Variants in SNTG1 observed in about 807,000 individuals in gnomAD.
The protein encoded by SNTG1 is syntrophin gamma 1.
A neutral mutation model predicts 74.7 loss-of-function variants in SNTG1; 39 were observed. That is an observed-to-expected ratio of 0.52 (90% CI 0.40 to 0.68). The LOEUF (loss-of-function observed/expected upper bound fraction) is 0.68. Ranked by LOEUF, SNTG1 falls within the 30% of genes least tolerant of loss-of-function variation. SNTG1 has a pLI of 0.00. For missense variants in SNTG1, 685 were observed against 609.5 expected (o/e 1.12, Z -1.30); for synonymous variants, 254 against 217.1 (o/e 1.17, Z -1.49).
intron 4 of SNTG1, among the ~76,000 whole-genome samples, chr8:50,430,940 A>C (rs2093228084): frequency 6.6e-6 from 1 of 152,176 alleles, no homozygotes; most frequent in Admixed American, 6.5e-5. Context: ...AAACAACTTT[A>C]TCAACCAGAA....
chr8:50,712,152 A>G (rs1300834478), intron 17 of SNTG1, among the ~76,000 whole-genome samples: 2 of 152,218 alleles, frequency 1.3e-5, no homozygotes, highest in African/African-American at 2.4e-5. Context: ...GAGGGCATAC[A>G]CATCAGTCTT....
chr8:50,207,598 C>T (rs1422163126), intron 2 of SNTG1, among the ~76,000 whole-genome samples: 1 of 151,982 alleles, frequency 6.6e-6, no homozygotes, highest in Non-Finnish European at 1.5e-5. Context: ...TTATTTCTTG[C>T]CTTCTGGAAC....
At chr8:49,975,479 T>C (rs763844344) in intron 1 of SNTG1, among the ~76,000 whole-genome samples, 19 of 152,158 alleles carry the variant, frequency 1.2e-4, no homozygotes, top group African/African-American at 2.2e-4. Context: ...TTCAAGATCA[T>C]TGGAGCTGTG....
At chr8:50,397,876 G>A (rs2092747902) in intron 3 of SNTG1, among the ~76,000 whole-genome samples, 1 of 152,158 alleles carries the variant, frequency 6.6e-6, no homozygotes, top group Non-Finnish European at 1.5e-5. Flanking sequence ...TGTAAAGGCA[G>A]ATGGTTGCGT....
At chr8:50,251,342 G>A (rs1402152620) in intron 2 of SNTG1, among the ~76,000 whole-genome samples, 2 of 151,744 alleles carry the variant, frequency 1.3e-5, no homozygotes, top group Non-Finnish European at 2.9e-5. Context: ...AAACAACCAA[G>A]AAATCGTTAA....
At chr8:50,113,129 C>A (rs1308591976) in intron 1 of SNTG1, among the ~76,000 whole-genome samples, 3 of 151,998 alleles carry the variant, frequency 2.0e-5, no homozygotes, top group Non-Finnish European at 2.9e-5. Context: ...TTTTCCAATT[C>A]TGTGAAGAAA....
At chr8:50,084,104 A>G (rs1822652291) in intron 1 of SNTG1, among the ~76,000 whole-genome samples, 1 of 152,186 alleles carries the variant, frequency 6.6e-6, no homozygotes, top group East Asian at 1.9e-4. Flanking sequence ...CACCTCTCAC[A>G]CTAAGTGGTT....
At chr8:50,455,216 C>G (rs1396631074) in intron 8 of SNTG1, among the ~76,000 whole-genome samples, 1 of 152,292 alleles carries the variant, frequency 6.6e-6, no homozygotes, top group East Asian at 1.9e-4. Context: ...AAATTTCCAT[C>G]TAATGAGACT....
At chr8:50,476,857 G>GACACACAAAC (rs1554540525) in intron 8 of SNTG1, among the ~76,000 whole-genome samples, 1 of 145,862 alleles carries the variant, frequency 6.9e-6, no homozygotes, top group Non-Finnish European at 1.5e-5. Flanking sequence ...GACACACACA[G>GACACACAAAC]ACACACACAC....
intron 17 of SNTG1, among the ~76,000 whole-genome samples, chr8:50,709,762 G>A (rs995964625): frequency 8.5e-5 from 13 of 152,170 alleles, no homozygotes; most frequent in African/African-American, 3.1e-4. Flanking sequence ...CCCCATGGAA[G>A]ACATCCTCTT....
Position 50,493,904 on chromosome 8 carries a change from G to A in SNTG1, c.364-8874G>A, listed in dbSNP as rs16914954. Among the ~76,000 whole-genome samples the A allele has an allele frequency of 6.8e-3, 1,025 of 151,540 alleles. 15 individuals are homozygous for A. The highest frequency in any genetic ancestry group is 0.024 in the African/African-American group (980 of 41,360). ...ATCTCCATTATTTTTCAACAAATTTGATGAGTTCCAGCAAATACAGGTAAA... is the reference window on the plus strand; with the variant it reads ...ATCTCCATTATTTTTCAACAAATTTAATGAGTTCCAGCAAATACAGGTAAA... On this transcript the variant is annotated intron_variant, in intron 8 of 18. Transcript: ENST00000642720.
intron 1 of SNTG1, among the ~76,000 whole-genome samples, chr8:50,138,961 T>C (rs565897728): frequency 6.6e-6 from 1 of 152,250 alleles, no homozygotes; most frequent in African/African-American, 2.4e-5. Context: ...TGAACTAAAG[T>C]CTAAAAGTTT....
Position 50,118,556 on chromosome 8 carries a change from G to A in SNTG1, c.-102-54005G>A, listed in dbSNP as rs1273478767. On this transcript the variant is annotated intron_variant, in intron 1 of 18. Coordinates refer to ENST00000642720, the MANE Select transcript of SNTG1 (RefSeq NM_018967.5). ...GTTAGTTATTGACTCTGGACACATA[G>A]CTAACACGTGGCCAAGCCAATCATG... Among the ~76,000 whole-genome samples the A allele has an allele frequency of 4.1e-5, 4 of 96,774 alleles. 1 individual carries two copies. Among genetic ancestry groups the A allele is most frequent in the African/African-American group, 1.4e-4 (4 of 29,342 alleles). The allele number at this position is 96,774 out of a possible 152,430, so 63.5% of individuals were successfully genotyped here.
In SNTG1 at chr8:50,155,196, G is replaced by A. The variant is rs1336397081; in HGVS notation, c.-102-17365G>A. On this transcript the variant is annotated intron_variant, in intron 1 of 18. Coordinates refer to ENST00000642720, the MANE Select transcript of SNTG1 (RefSeq NM_018967.5). Reference sequence around the variant, plus strand: ...TCAAAATAAAACTACCTTGATTACAGGCAGTATGGTCCTGTTGTAAAAATA... The same window carrying A: ...TCAAAATAAAACTACCTTGATTACAAGCAGTATGGTCCTGTTGTAAAAATA... Among the ~76,000 whole-genome samples the A allele has an allele frequency of 2.0e-5, 3 of 152,178 alleles. No homozygotes were observed. The East Asian group carries it at 5.8e-4, about 29-fold the overall frequency.
intron 18 of SNTG1, among the ~76,000 whole-genome samples, chr8:50,791,146 G>T (rs866952617): frequency 2.0e-5 from 3 of 151,844 alleles, no homozygotes; most frequent in African/African-American, 7.2e-5. Context: ...AAATAAACTG[G>T]CTACACCAAG....
chr8:50,213,351 T>C (rs1448188226), intron 2 of SNTG1, among the ~76,000 whole-genome samples: 1 of 152,144 alleles, frequency 6.6e-6, no homozygotes, highest in African/African-American at 2.4e-5. Flanking sequence ...CCAAAAGGAA[T>C]GAAAGTAGTA....
intron 2 of SNTG1, among the ~76,000 whole-genome samples, chr8:50,188,511 C>T (rs1317694903): frequency 6.6e-6 from 1 of 152,114 alleles, no homozygotes; most frequent in Non-Finnish European, 1.5e-5. Flanking sequence ...TTTTCACCCT[C>T]AGATAGTCAT....
chr8:50,761,095 C>T (rs1271523833), intron 18 of SNTG1, among the ~76,000 whole-genome samples: 2 of 151,948 alleles, frequency 1.3e-5, no homozygotes, highest in African/African-American at 4.8e-5. Context: ...GCCAATATCC[C>T]TCATGAACAT....
At chr8:50,320,657 A>C (rs1189559239) in intron 2 of SNTG1, among the ~76,000 whole-genome samples, 2 of 151,912 alleles carry the variant, frequency 1.3e-5, no homozygotes, top group African/African-American at 4.8e-5. Flanking sequence ...TGTAGCTATA[A>C]ATTTTTATCT....
Sources: allele counts gnomAD v4.1 joint callset (sites outside exome capture counted in the v4.1 genomes callset), GRCh38; gene constraint gnomAD v4.1.1; transcripts MANE v1.5; gene names NCBI Gene and HGNC (gene_info 2026-07-23, HGNC 2026-07-21).